Variants in GLI2 observed in about 807,000 individuals in gnomAD.
The protein encoded by GLI2 is transcription activator GLI2.
Under a neutral mutation model 78.9 loss-of-function variants are expected in GLI2, and 22 were observed. The observed-to-expected ratio is 0.28, with a 90% confidence interval of 0.20 to 0.40. The LOEUF is 0.40. Among genes scored for constraint, GLI2 ranks in the 10% least tolerant of loss-of-function variants. The pLI is 1.00. For synonymous variants in GLI2, 974 were observed against 963.7 expected (o/e 1.01, Z -0.20); for missense variants, 2,097 against 2,213.2 (o/e 0.95, Z 1.05).
In GLI2 at chr2:120,986,508, C is replaced by T. The variant is rs151179617; in HGVS notation, c.2136C>T (p.Phe712=). 1.1e-4 allele frequency: 170 copies of T among 1,614,108 alleles called. No homozygotes were observed. In the African/African-American group the frequency reaches 2.0e-3, roughly 19 times the overall value. ...AACACATGACCACCATGCACCGGTT[C>T]GAGCAGCTCAAGAAGGAGAAGCTCA... is the stretch of plus-strand genomic sequence containing the variant. ...LRKHMTTMHR[F]EQLKKEKLKS... is the part of the protein sequence containing the mutation. Residue 712 remains phenylalanine (F), a synonymous_variant, in exon 13 of 14, where the codon TTC becomes TTT. Coordinates refer to ENST00000361492, the MANE Select transcript of GLI2 (RefSeq NM_001374353.1).
intron 2 of GLI2, among the ~76,000 whole-genome samples, chr2:120,830,269 T>C (rs1254267027): frequency 6.6e-6 from 1 of 152,278 alleles, no homozygotes; most frequent in East Asian, 1.9e-4. Context: ...CCCTCCTGTT[T>C]GTTTAAGTGG....
intron 2 of GLI2, among the ~76,000 whole-genome samples, chr2:120,859,912 C>G (rs975873794): frequency 1.3e-5 from 2 of 152,040 alleles, no homozygotes; most frequent in East Asian, 3.9e-4. Flanking sequence ...CTCAGCCTCC[C>G]AAAGTGCTGC....
chr2:120,848,923 TG>T (rs5833857), intron 2 of GLI2, among the ~76,000 whole-genome samples: 5,918 of 152,268 alleles, frequency 0.039, 309 homozygotes, highest in African/African-American at 0.13. Flanking sequence ...TTACTCTAAG[TG>T]GCTTTAATAT....
At chr2:120,888,235 G>A (rs1274032626) in intron 2 of GLI2, among the ~76,000 whole-genome samples, 1 of 152,236 alleles carries the variant, frequency 6.6e-6, no homozygotes, top group East Asian at 1.9e-4. Flanking sequence ...TTCTCTGGGG[G>A]TAAACACTCT....
chr2:120,967,738 C>G (rs924439791), intron 5 of GLI2, among the ~76,000 whole-genome samples: 3 of 152,252 alleles, frequency 2.0e-5, no homozygotes, highest in Non-Finnish European at 4.4e-5. Context: ...TACATGTGTG[C>G]CTGCATGCAT....
chr2:120,934,131 G>T (rs983179773), intron 3 of GLI2, among the ~76,000 whole-genome samples: 2 of 152,170 alleles, frequency 1.3e-5, no homozygotes, highest in African/African-American at 4.8e-5. Flanking sequence ...TGCAGGCGCC[G>T]CTGCTTGCTT....
At chr2:120,745,261 T>A (rs1682661022) in intron 1 of GLI2, among the ~76,000 whole-genome samples, 1 of 152,162 alleles carries the variant, frequency 6.6e-6, no homozygotes, top group African/African-American at 2.4e-5. Flanking sequence ...TCTTTTTCCA[T>A]GTAAGGAACT....
Position 120,990,081 on chromosome 2 carries a change from G to T in GLI2, c.4116G>T (p.Val1372=). Residue 1372 remains valine, a synonymous_variant, in exon 14 of 14, where the codon GTG becomes GTT. Coordinates refer to ENST00000361492, the MANE Select transcript of GLI2 (RefSeq NM_001374353.1). ...GCCGCCACCGTGGGGTACGTGCTGT[G>T]CAGCAGCAGCTGGCCTACGCCAGGG... ...PTGRHRGVRA[V]QQQLAYARAT... 1 of 1,598,666 alleles carries T rather than the reference G, an allele frequency of 6.3e-7. No homozygotes were observed. The highest frequency in any genetic ancestry group is 8.5e-7 in the Non-Finnish European group (1 of 1,171,120).
In GLI2 at chr2:120,939,766, T is replaced by G. The variant is rs546636245; in HGVS notation, c.255-11477T>G. Among the ~76,000 whole-genome samples the G allele has an allele frequency of 2.6e-5, 4 of 152,298 alleles. No individual in the cohort carries two copies. In the East Asian group the frequency reaches 7.7e-4, roughly 29 times the overall value. ...CTCTGGGCCCCAAGTGCGGGGTTAT[T>G]TAAGGTAAATGCATGTCTGGGAATG... is the stretch of plus-strand genomic sequence containing the variant. On this transcript the variant is annotated intron_variant, in intron 3 of 13. Coordinates refer to ENST00000361492, the MANE Select transcript of GLI2 (RefSeq NM_001374353.1).
intron 2 of GLI2, among the ~76,000 whole-genome samples, chr2:120,886,733 C>CGGTA (rs2104734509): frequency 6.6e-6 from 1 of 152,314 alleles, no homozygotes; most frequent in African/African-American, 2.4e-5. Flanking sequence ...AGTGGGACTG[C>CGGTA]GGTAGCCTGC....
rs1171696949 is a variant in GLI2 at position 120,955,399 on chromosome 2, C to T, written c.612C>T (p.Pro204=). ...AGAGCGGGGGCGCTGCCAGCGCACC[C>T]CATCTCCACGACTACCTCAACCCCG... ...LMQSGGAASA[P]HLHDYLNPVD... is the part of the protein sequence containing the mutation. The change falls in exon 5 of 14, where the codon CCC becomes CCT. Residue 204 remains proline (P), a synonymous_variant. Coordinates refer to ENST00000361492, the MANE Select transcript of GLI2 (RefSeq NM_001374353.1). 1 of 1,610,624 alleles carries T rather than the reference C, an allele frequency of 6.2e-7. No homozygotes were observed. The highest frequency in any genetic ancestry group is 1.3e-5 in the African/African-American group (1 of 74,854).
At chr2:120,946,965 G>A (rs1680737069) in intron 3 of GLI2, among the ~76,000 whole-genome samples, 1 of 152,246 alleles carries the variant, frequency 6.6e-6, no homozygotes, top group African/African-American at 2.4e-5. Context: ...GGGAACATGT[G>A]TGCCCCTGGA....
In GLI2 at chr2:120,917,867, C is replaced by T. The variant is rs185476594; in HGVS notation, c.149-9494C>T. Among the ~76,000 whole-genome samples the T allele has an allele frequency of 2.7e-4, 41 of 152,330 alleles. No individual in the cohort carries two copies. In the East Asian group the frequency reaches 7.1e-3, roughly 27 times the overall value. ...AGTTCCCTCCCCTGCTTATTTTCTG[C>T]GGGCAGCATGGACACAGACACTAGG... is the stretch of plus-strand genomic sequence containing the variant. On this transcript the variant is annotated intron_variant, in intron 2 of 13. Transcript: ENST00000361492.
chr2:120,956,221 T>C (rs1209875783), intron 5 of GLI2, among the ~76,000 whole-genome samples: 1 of 151,754 alleles, frequency 6.6e-6, no homozygotes, highest in Non-Finnish European at 1.5e-5. Flanking sequence ...AGCTGGAATA[T>C]AGAGTTGAAA....
At chr2:120,769,197 C>T (rs1168398754) in intron 1 of GLI2, among the ~76,000 whole-genome samples, 1 of 152,236 alleles carries the variant, frequency 6.6e-6, no homozygotes, top group African/African-American at 2.4e-5. Flanking sequence ...CTGGCACTAG[C>T]TCCCGCCGCC....
At chr2:120,978,740 T>A (rs1682580317) in intron 10 of GLI2, among the ~76,000 whole-genome samples, 157 bp downstream of exon 10, 1 of 152,168 alleles carries the variant, frequency 6.6e-6, no homozygotes, top group Non-Finnish European at 1.5e-5. Flanking sequence ...ACCCTGCCTG[T>A]TTGGGTCCTG....
At chr2:120,974,486 C>T (rs560350517) in intron 8 of GLI2, among the ~76,000 whole-genome samples, 3 of 152,274 alleles carry the variant, frequency 2.0e-5, no homozygotes, top group South Asian at 4.2e-4. Context: ...GTCTTTCCTT[C>T]GCCTCATTAA....
intron 2 of GLI2, among the ~76,000 whole-genome samples, chr2:120,825,011 T>C (rs907026666): frequency 6.6e-6 from 1 of 152,112 alleles, no homozygotes; most frequent in Admixed American, 6.5e-5. Flanking sequence ...TATTTTTGTA[T>C]TTTTTATAGA....
At chr2:120,912,689 A>G (rs1269692804) in intron 2 of GLI2, among the ~76,000 whole-genome samples, 1 of 152,116 alleles carries the variant, frequency 6.6e-6, no homozygotes, top group African/African-American at 2.4e-5. Flanking sequence ...GTCCTGCCGC[A>G]CTGCCCCTCA....
Sources: allele counts gnomAD v4.1 joint callset (sites outside exome capture counted in the v4.1 genomes callset), GRCh38; gene constraint gnomAD v4.1.1; transcripts MANE v1.5; gene names NCBI Gene and HGNC (gene_info 2026-07-23, HGNC 2026-07-21).